KLHL1: variants seen among roughly 807,000 people sequenced by gnomAD.
KLHL1 encodes the protein kelch like family member 1.
A neutral mutation model predicts 77.7 loss-of-function variants in KLHL1; 47 were observed. The ratio of observed to expected loss-of-function variants is 0.60; its 90% CI spans 0.48 to 0.77. The LOEUF (loss-of-function observed/expected upper bound fraction) is 0.77. Ranked by LOEUF, KLHL1 falls within the 30% of genes least tolerant of loss-of-function variation. KLHL1 has a pLI of 0.00. For synonymous variants in KLHL1, 360 were observed against 325.2 expected (o/e 1.11, Z -1.15); for missense variants, 925 against 910.8 (o/e 1.02, Z -0.20).
intron 7 of KLHL1, among the ~76,000 whole-genome samples, chr13:69,776,487 C>T (rs1875833493): frequency 6.6e-6 from 1 of 152,160 alleles, no homozygotes; most frequent in African/African-American, 2.4e-5. Context: ...AGTAAATATT[C>T]TCTTAGGTAC....
intron 9 of KLHL1, among the ~76,000 whole-genome samples, chr13:69,708,016 T>C (rs989516102): frequency 6.6e-6 from 1 of 152,018 alleles, no homozygotes; most frequent in African/African-American, 2.4e-5. Flanking sequence ...CATAGATGAA[T>C]GCAGATTCAT....
rs576488784 is a variant in KLHL1, at chr13:69,994,094, G to A, written c.498-18292C>T. 9.2e-5 allele frequency among the ~76,000 whole-genome samples: 14 copies of A among 151,968 alleles called. No individual in the cohort carries two copies. In the South Asian group the frequency reaches 1.9e-3, roughly 20 times the overall value. On this transcript the variant is annotated intron_variant, in intron 1 of 10. Coordinates refer to ENST00000377844, the MANE Select transcript of KLHL1 (RefSeq NM_020866.3). Reference sequence around the variant, plus strand: ...TAGGGCCTATGACTCCAAATTCAAGGCACAGATAAAGAACTGGGAAGCTTT... The same window carrying A: ...TAGGGCCTATGACTCCAAATTCAAGACACAGATAAAGAACTGGGAAGCTTT...
At chr13:70,099,507 TAAA>T (rs1887874042) in intron 1 of KLHL1, among the ~76,000 whole-genome samples, 1 of 151,932 alleles carries the variant, frequency 6.6e-6, no homozygotes, top group Non-Finnish European at 1.5e-5. Context: ...TCAAATTCTG[TAAA>T]GTAAGTATAA....
chr13:70,106,994 C>A (rs549447280), intron 1 of KLHL1, among the ~76,000 whole-genome samples: 22 of 152,070 alleles, frequency 1.4e-4, no homozygotes, highest in Admixed American at 7.9e-4. Context: ...TTGAAAACTT[C>A]CAAAAAGAAA....
At chr13:69,735,219 A>T (rs1873713212) in intron 8 of KLHL1, among the ~76,000 whole-genome samples, 2 of 151,822 alleles carry the variant, frequency 1.3e-5, no homozygotes. Context: ...TACAGACAAT[A>T]AAATACTGCC....
chr13:69,719,356 C>T lies in KLHL1; in HGVS notation c.2015+13G>A. 1 of 1,609,986 alleles carries T rather than the reference C, an allele frequency of 6.2e-7. No homozygotes were observed. On this transcript the variant is annotated intron_variant, in intron 9 of 10. Transcript: ENST00000377844. The stretch of plus-strand genomic sequence containing the variant: ...CTGTCTCTTTCGCTGTAACAGTGTC[C>T]TTGGGGTCTTACCTTTCTACATAAT...
At chr13:70,051,831 T>G (rs1353192508) in intron 1 of KLHL1, among the ~76,000 whole-genome samples, 1 of 152,010 alleles carries the variant, frequency 6.6e-6, no homozygotes, top group African/African-American at 2.4e-5. Flanking sequence ...GATGGTAGAC[T>G]GCTAAGGAAA....
chr13:69,745,431 T>C (rs1271193024), intron 7 of KLHL1, among the ~76,000 whole-genome samples: 3 of 152,018 alleles, frequency 2.0e-5, no homozygotes, highest in Non-Finnish European at 4.4e-5. Flanking sequence ...TTACAGATCT[T>C]TTTCCACTGT....
intron 1 of KLHL1, among the ~76,000 whole-genome samples, chr13:70,003,536 T>C (rs1478099496): frequency 6.6e-6 from 1 of 151,762 alleles, no homozygotes; most frequent in Non-Finnish European, 1.5e-5. Flanking sequence ...ACTGCCTCCC[T>C]TTAGAGATTC....
rs1879441860 is a variant in KLHL1 at position 69,845,938 on chromosome 13, A to G, written c.1228-6776T>C. The stretch of plus-strand genomic sequence containing the variant: ...GTCAATATTTGAGGTTTGCCTTGTT[A>G]AATGTAGTAAACTATAATATAATAG... On this transcript the variant is annotated intron_variant, in intron 5 of 10. Coordinates refer to ENST00000377844, the MANE Select transcript of KLHL1 (RefSeq NM_020866.3). Among the ~76,000 whole-genome samples, 5 of 151,474 alleles carry G rather than the reference A, an allele frequency of 3.3e-5. No individual in the cohort carries two copies. The South Asian group carries it at 1.0e-3, about 31-fold the overall frequency.
At chr13:69,909,748 A>G in intron 4 of KLHL1, among the ~76,000 whole-genome samples, 1 of 152,262 alleles carries the variant, frequency 6.6e-6, no homozygotes, top group East Asian at 1.9e-4. Context: ...TATACTCTGA[A>G]TTTATTAAAG....
chr13:69,782,245 G>T (rs1286297509), intron 7 of KLHL1, among the ~76,000 whole-genome samples: 1 of 152,226 alleles, frequency 6.6e-6, no homozygotes, highest in Non-Finnish European at 1.5e-5. Flanking sequence ...CGACGCAGAA[G>T]ATGGGTGCTT....
At chr13:69,822,720 A>G (rs1241951215) in intron 6 of KLHL1, among the ~76,000 whole-genome samples, 1 of 152,200 alleles carries the variant, frequency 6.6e-6, no homozygotes, top group Non-Finnish European at 1.5e-5. Flanking sequence ...TAAGAATAGT[A>G]TAATATTTGT....
chr13:70,010,392 G>A (rs1197438506), intron 1 of KLHL1, among the ~76,000 whole-genome samples: 1 of 152,106 alleles, frequency 6.6e-6, no homozygotes, highest in Non-Finnish European at 1.5e-5. Context: ...TTTGCTTTGG[G>A]GCATTCTCCA....
chr13:70,084,826 G>A (rs2137434494), intron 1 of KLHL1, among the ~76,000 whole-genome samples: 1 of 151,524 alleles, frequency 6.6e-6, no homozygotes, highest in East Asian at 1.9e-4. Context: ...AAATTCTAAA[G>A]AATATCAAAA....
chr13:69,710,186 T>C (rs1000990847), intron 9 of KLHL1, among the ~76,000 whole-genome samples: 2 of 151,836 alleles, frequency 1.3e-5, no homozygotes, highest in Non-Finnish European at 2.9e-5. Context: ...GTTCTTCAAG[T>C]GAAACTCAAA....
intron 3 of KLHL1, among the ~76,000 whole-genome samples, chr13:69,944,373 TGTACCTG>T (rs1226571739): frequency 1.3e-5 from 2 of 152,214 alleles, no homozygotes; most frequent in Non-Finnish European, 2.9e-5. Context: ...CTTGGAAGTC[TGTACCTG>T]GTTTCATTTG....
At chr13:69,905,358 T>G (rs1452865928) in intron 4 of KLHL1, among the ~76,000 whole-genome samples, 2 of 152,154 alleles carry the variant, frequency 1.3e-5, no homozygotes, top group Non-Finnish European at 2.9e-5. Context: ...AAGAGCACCA[T>G]GCACTGAACT....
chr13:69,888,344 T>G (rs146079890), intron 4 of KLHL1, among the ~76,000 whole-genome samples: 173 of 152,266 alleles, frequency 1.1e-3, no homozygotes, highest in African/African-American at 3.7e-3. Context: ...TATTTAATAT[T>G]AACCCAAGAA....
Sources: gnomAD v4.1 joint callset for allele counts (sites outside exome capture counted in the v4.1 genomes callset) on GRCh38, gnomAD v4.1.1 for gene constraint, MANE v1.5 for transcripts, NCBI Gene and HGNC (gene_info 2026-07-23, HGNC 2026-07-21) for gene names.